The following CCZ1 variants were observed in gnomAD, a reference collection of about 807,000 sequenced individuals.
CCZ1 encodes the protein CCZ1 vacuolar protein trafficking and biogenesis associated, also known as vacuolar fusion protein CCZ1 homolog.
Under a neutral mutation model 57.8 loss-of-function variants are expected in CCZ1, and 19 were observed. The ratio of observed to expected loss-of-function variants is 0.33; its 90% CI spans 0.23 to 0.48. CCZ1 has a LOEUF of 0.48. Among genes scored for constraint, CCZ1 ranks in the 20% least tolerant of loss-of-function variants. The pLI is 0.99. For synonymous variants in CCZ1, 81 were observed against 167.0 expected (o/e 0.49, Z 3.97); for missense variants, 200 against 492.0 (o/e 0.41, Z 5.61).
chr7:5,925,961 A>T lies in CCZ1; in HGVS notation c.*274A>T. 1.7e-6 allele frequency: 1 copy of T among 587,404 alleles called. No homozygotes were observed. Among genetic ancestry groups the T allele is most frequent in the Non-Finnish European group, 3.1e-6 (1 of 326,472 alleles). 36.4% of individuals were successfully genotyped at this position (587,404 alleles called of 1,614,324 possible). A position where few individuals can be genotyped will look rare whatever the true frequency, so the allele number is the denominator to read the frequency against. Reference sequence around the variant, plus strand: ...TGGAAAATAAGACTAATAAATTGTTAAAAGTTTTTAAAATTCTGGTTTGGT... The same window carrying T: ...TGGAAAATAAGACTAATAAATTGTTTAAAGTTTTTAAAATTCTGGTTTGGT... On this transcript the variant is annotated 3_prime_UTR_variant, in exon 15 of 15. Coordinates refer to ENST00000325974, the MANE Select transcript of CCZ1 (RefSeq NM_015622.6).
Position 5,902,832 on chromosome 7 carries a change from A to T in CCZ1, c.522+88A>T, listed in dbSNP as rs1427119373. 4 of 1,466,592 alleles carry T rather than the reference A, an allele frequency of 2.7e-6. No homozygotes were observed. In the East Asian group the frequency reaches 1.2e-4, roughly 45 times the overall value. 90.8% of individuals were successfully genotyped at this position (1,466,592 alleles called of 1,614,324 possible). A position where few individuals can be genotyped will look rare whatever the true frequency, so the allele number is the denominator to read the frequency against. The stretch of plus-strand genomic sequence containing the variant: ...AGACAGACAAGTTTGTTTCTTATAT[A>T]CAAAAAACCCAGAACTTGAAAGTGG... On this transcript the variant is annotated intron_variant, in intron 6 of 14. Transcript: ENST00000325974.
At chr7:5,912,127 T>A (rs888358131) in intron 9 of CCZ1, among the ~76,000 whole-genome samples, 1 of 146,368 alleles carries the variant, frequency 6.8e-6, no homozygotes, top group Non-Finnish European at 1.5e-5. Context: ...GGTAATTCAT[T>A]TTGTATTTTT....
chr7:5,925,584 TTTTAAGTGACTGCCTC>T (rs1779350803), intron 14 of CCZ1, 32 bp from the exon 15 acceptor site: 1 of 1,609,474 alleles, frequency 6.2e-7, no homozygotes, highest in African/African-American at 1.3e-5. Context: ...TCATGTAACC[TTTTAAGTGACTGCCTC>T]TTCCTTCCTC....
intron 6 of CCZ1, among the ~76,000 whole-genome samples, chr7:5,903,348 G>C (rs1781727695): frequency 7.0e-6 from 1 of 143,688 alleles, no homozygotes; most frequent in African/African-American, 2.6e-5. Flanking sequence ...GCCCAGGCTG[G>C]TTTCAAGCGA....
At chr7:5,903,949 A>G (rs145781099) in intron 6 of CCZ1, among the ~76,000 whole-genome samples, 3,383 of 140,068 alleles carry the variant, frequency 0.024, 264 homozygotes, top group Admixed American at 0.15. Context: ...AGCCGAGATC[A>G]CACCGCTGCA....
intron 7 of CCZ1, among the ~76,000 whole-genome samples, chr7:5,907,017 A>G (rs1195999842): frequency 1.7e-4 from 26 of 148,600 alleles, no homozygotes; most frequent in African/African-American, 6.0e-4. Flanking sequence ...ACAGGTGCAT[A>G]CCACAACACC....
chr7:5,899,332 GGGGTGTGTGTGTGT>G (rs1395646154), intron 1 of CCZ1, among the ~76,000 whole-genome samples: 3,012 of 128,802 alleles, frequency 0.023, 147 homozygotes, highest in South Asian at 0.03. Flanking sequence ...TTTCGGGAGG[GGGGTGTGTGTGTGT>G]GTGTGTGTGT....
rs1044766901 is a variant in CCZ1, at chr7:5,907,507, C to T, written c.698+2238C>T. Among the ~76,000 whole-genome samples the T allele has an allele frequency of 6.1e-5, 9 of 147,582 alleles. 1 individual carries two copies. Among genetic ancestry groups the T allele is most frequent in the African/African-American group, 2.3e-4 (9 of 39,698 alleles). ...TCTCTGGGACAGAACACAAGCCCCGCCATGGGTGCAAACTCCTGAGAGTGA... is the reference window on the plus strand; with the variant it reads ...TCTCTGGGACAGAACACAAGCCCCGTCATGGGTGCAAACTCCTGAGAGTGA... On this transcript the variant is annotated intron_variant, in intron 7 of 14. Transcript: ENST00000325974.
Position 5,912,885 on chromosome 7 carries a change from A to T in CCZ1, c.885A>T (p.Lys295Asn), listed in dbSNP as rs1779069914. 6.2e-7 allele frequency: 1 copy of T among 1,602,224 alleles called. No homozygotes were observed. Among genetic ancestry groups the T allele is most frequent in the African/African-American group, 1.4e-5 (1 of 72,884 alleles). The change falls in exon 10 of 15, where the codon AAA becomes AAT. Residue 295 changes from lysine to asparagine, a missense_variant. Transcript: ENST00000325974. ...TGAACCTCAATGATCCAGATGCAAAATGCAGATTCCCCAAAATTTTTGTAA... is the reference window on the plus strand; with the variant it reads ...TGAACCTCAATGATCCAGATGCAAATTGCAGATTCCCCAAAATTTTTGTAA... The part of the protein sequence containing the change: ...GPLNLNDPDA[K>N]CRFPKIFVNT...
chr7:5,904,724 A>G (rs914712571), intron 6 of CCZ1, among the ~76,000 whole-genome samples: 2 of 147,324 alleles, frequency 1.4e-5, no homozygotes, highest in African/African-American at 5.1e-5. Context: ...CCAGCTGCTC[A>G]GGAGGCTGAG....
At chr7:5,919,363 CT>C (rs1359267095) in intron 11 of CCZ1, 3 of 158,492 alleles carry the variant, frequency 1.9e-5, no homozygotes, top group Admixed American at 7.0e-5. Flanking sequence ...TGGGACCCCC[CT>C]GTCTCCTTAA....
At position 5,905,105 on chromosome 7, in the gene CCZ1, G is replaced by T; in HGVS notation, c.534G>T (p.Thr178=). Residue 178 remains threonine (T), a synonymous_variant, in exon 7 of 15, where the codon ACG becomes ACT. Transcript: ENST00000325974. Reference sequence around the variant, plus strand: ...TTTTTTTCCCACAGTATTTGCAAACGCTACATTTGCAGTCATGTGACCTAC... The same window carrying T: ...TTTTTTTCCCACAGTATTTGCAAACTCTACATTTGCAGTCATGTGACCTAC... ...LEKFFHRYLQ[T]LHLQSCDLLD... 1 of 1,598,706 alleles carries T rather than the reference G, an allele frequency of 6.3e-7. No homozygotes were observed. Among genetic ancestry groups the T allele is most frequent in the African/African-American group, 1.4e-5 (1 of 71,058 alleles).
At chr7:5,899,590 C>T (rs1781636173) in intron 1 of CCZ1, among the ~76,000 whole-genome samples, 1 of 76,324 alleles carries the variant, frequency 1.3e-5, no homozygotes, top group Non-Finnish European at 2.8e-5. Flanking sequence ...AGACCCCCAA[C>T]TCTACAAAAA....
At chr7:5,899,334 G>GTGTGTGTGTGTGTGTGT (rs1562536429) in intron 1 of CCZ1, among the ~76,000 whole-genome samples, 4 of 12,578 alleles carry the variant, frequency 3.2e-4, no homozygotes, top group South Asian at 2.5e-3. Context: ...TCGGGAGGGG[G>GTGTGTGTGTGTGTGTGT]GTGTGTGTGT....
intron 7 of CCZ1, among the ~76,000 whole-genome samples, chr7:5,908,265 G>A (rs1781881638): frequency 2.2e-5 from 3 of 135,978 alleles, no homozygotes; most frequent in Admixed American, 1.4e-4. Flanking sequence ...GGAGTTACTT[G>A]GAGACCAGCC....
intron 8 of CCZ1, 93 bp downstream of exon 8, chr7:5,910,209 C>T (rs548366482): frequency 3.2e-5 from 34 of 1,060,622 alleles, no homozygotes; most frequent in African/African-American, 1.7e-4. Context: ...CGTTTCTGAT[C>T]GTTTCTGATG....
chr7:5,904,458 T>A (rs1191734075), intron 6 of CCZ1, among the ~76,000 whole-genome samples: 2 of 144,296 alleles, frequency 1.4e-5, no homozygotes, highest in Non-Finnish European at 3.0e-5. Flanking sequence ...TTGGGACGCC[T>A]AGACACGAGA....
chr7:5,922,465 CTCTGAGCCCAGGGGCGGG>C (rs1231402640), intron 12 of CCZ1, among the ~76,000 whole-genome samples: 1 of 124,898 alleles, frequency 8.0e-6, no homozygotes, highest in Non-Finnish European at 1.7e-5. Flanking sequence ...CAGAGGAGGC[CTCTGAGCCCAGGGGCGGG>C]GCTGTGCTCA....
chr7:5,914,881 GAA>G lies in CCZ1; in HGVS notation c.954+1936_954+1937del, dbSNP rs113424439. Among the ~76,000 whole-genome samples, 84 of 89,616 alleles carry G rather than the reference GAA, an allele frequency of 9.4e-4. 3 individuals carry two copies. Among genetic ancestry groups the G allele is most frequent in the Non-Finnish European group, 1.2e-3 (53 of 45,996 alleles). The allele number at this position is 89,616 out of a possible 152,430, so 58.8% of individuals were successfully genotyped here. A position where few individuals can be genotyped will look rare whatever the true frequency, so the allele number is the denominator to read the frequency against. ...ACAGAGCAAGACTCTGTCTCAGAAA[GAA>G]AAAAAAAACACGTTCAACATGAAAA... On this transcript the variant is annotated intron_variant, in intron 10 of 14. Transcript: ENST00000325974.
Sources: allele counts gnomAD v4.1 joint callset (sites outside exome capture counted in the v4.1 genomes callset), GRCh38; gene constraint gnomAD v4.1.1; transcripts MANE v1.5; gene names NCBI Gene and HGNC (gene_info 2026-07-23, HGNC 2026-07-21).